Variants in PRDM1 observed in about 807,000 individuals in gnomAD.
PRDM1 encodes PR/SET domain 1, also known as PR domain zinc finger protein 1.
Under a neutral mutation model 62.8 loss-of-function variants are expected in PRDM1, and 13 were observed. The ratio of observed to expected loss-of-function variants is 0.21; its 90% CI spans 0.13 to 0.33. PRDM1 has a LOEUF of 0.33. Ranked by LOEUF, PRDM1 falls within the 10% of genes least tolerant of loss-of-function variation. The pLI, the probability that PRDM1 is intolerant of heterozygous loss-of-function variation, is 1.00. For synonymous variants in PRDM1, 396 were observed against 417.6 expected (o/e 0.95, Z 0.63); for missense variants, 895 against 1,058.8 (o/e 0.85, Z 2.15).
At chr6:106,081,771 C>A (rs1773698203), upstream of PRDM1, among the ~76,000 whole-genome samples, 1 of 152,116 alleles carries the variant, frequency 6.6e-6, no homozygotes, top group Non-Finnish European at 1.5e-5. Context: ...CACCTGTGTC[C>A]TTTGGTTAAT....
chr6:106,086,277 C>T, upstream of PRDM1: 1 of 413,380 alleles, frequency 2.4e-6, no homozygotes, highest in Non-Finnish European at 4.3e-6. Flanking sequence ...GCCACGCCCC[C>T]ACTTCGCGCA....
chr6:106,008,113 C>T (rs1238653608), intron 1 of PRDM1, among the ~76,000 whole-genome samples: 1 of 152,238 alleles, frequency 6.6e-6, no homozygotes, highest in Non-Finnish European at 1.5e-5. Flanking sequence ...TGGCTCACGC[C>T]TGTAATCCCA....
At chr6:106,033,628 T>A (rs1275885580) in intron 1 of PRDM1, among the ~76,000 whole-genome samples, 2 of 152,108 alleles carry the variant, frequency 1.3e-5, no homozygotes, top group African/African-American at 4.8e-5. Flanking sequence ...ATCTTTGTAA[T>A]ATGCTGTTGA....
intron 1 of PRDM1, among the ~76,000 whole-genome samples, chr6:106,018,444 C>T (rs931069031): frequency 6.6e-6 from 1 of 152,214 alleles, no homozygotes; most frequent in African/African-American, 2.4e-5. Flanking sequence ...GAAATCCATA[C>T]TTCATTCAGA....
rs528527001 is a variant in PRDM1, at chr6:106,027,490, T to G, written c.-67+33851T>G. Among the ~76,000 whole-genome samples the G allele has an allele frequency of 1.3e-4, 20 of 152,172 alleles. No individual in the cohort carries two copies. The East Asian group carries it at 3.5e-3, about 26-fold the overall frequency. ...ACTTCTGCTGGGCTTGTGTGATCAG[T>G]CTGAATACCTACACCAAAGCCCTAA... On this transcript the variant is annotated intron_variant, in intron 1 of 6. Coordinates refer to the PRDM1 transcript ENST00000652320.
chr6:106,098,654 G>T (rs1281916339), intron 3 of PRDM1: 1 of 1,342,512 alleles, frequency 7.4e-7, no homozygotes, highest in Admixed American at 2.2e-5. Context: ...TCGGGCTGCT[G>T]CCCGAGTGTT....
intron 1 of PRDM1, among the ~76,000 whole-genome samples, chr6:106,031,378 G>A (rs1303991089): frequency 6.6e-6 from 1 of 152,184 alleles, no homozygotes; most frequent in Non-Finnish European, 1.5e-5. Context: ...CAGGCTTAGG[G>A]GGCAAAAGAA....
intron 1 of PRDM1, among the ~76,000 whole-genome samples, chr6:106,005,944 C>G (rs572229713): frequency 1.2e-4 from 19 of 152,322 alleles, no homozygotes; most frequent in East Asian, 1.9e-4. Flanking sequence ...GGTTATTTCT[C>G]CAGCATCAGA....
At chr6:106,039,857 C>T (rs1337337552) in intron 1 of PRDM1, among the ~76,000 whole-genome samples, 3 of 152,196 alleles carry the variant, frequency 2.0e-5, no homozygotes, top group Non-Finnish European at 2.9e-5. Flanking sequence ...TAGTCCATAG[C>T]GGCTTAGCGA....
chr6:106,083,500 G>T (rs1582456322), upstream of PRDM1, among the ~76,000 whole-genome samples: 1 of 152,100 alleles, frequency 6.6e-6, no homozygotes, highest in African/African-American at 2.4e-5. Context: ...AGAGTCATCT[G>T]GCCACCAACA....
intron 1 of PRDM1, among the ~76,000 whole-genome samples, chr6:106,055,672 G>A (rs1773253575): frequency 6.6e-6 from 1 of 152,174 alleles, no homozygotes; most frequent in Admixed American, 6.5e-5. Context: ...CAGTTCACAA[G>A]ATGCTTTGAG....
At chr6:106,067,711 C>T (rs918554917) in intron 1 of PRDM1, among the ~76,000 whole-genome samples, 1 of 152,002 alleles carries the variant, frequency 6.6e-6, no homozygotes, top group South Asian at 2.1e-4. Context: ...TACCAGGGGC[C>T]GGGGAAAGGG....
intron 1 of PRDM1, among the ~76,000 whole-genome samples, chr6:106,002,232 A>C (rs1772435039): frequency 6.6e-6 from 1 of 152,178 alleles, no homozygotes; most frequent in African/African-American, 2.4e-5. Flanking sequence ...AATGGGTGTT[A>C]CTTGAGAGCT....
At chr6:106,093,756 A>G (rs1336921180) in intron 2 of PRDM1, among the ~76,000 whole-genome samples, 2 of 152,330 alleles carry the variant, frequency 1.3e-5, no homozygotes, top group East Asian at 3.9e-4. Context: ...ATAATGACAA[A>G]CGGTGATTAA....
At chr6:106,088,513 T>C in intron 2 of PRDM1, 64 bp downstream of exon 2, 2 of 1,587,468 alleles carry the variant, frequency 1.3e-6, no homozygotes, top group Non-Finnish European at 1.7e-6. Context: ...TACTTGCCCT[T>C]GAGGCCTTGT....
rs775366457 is a variant in PRDM1 at position 106,105,632 on chromosome 6, C to T, written c.1472C>T (p.Ala491Val). The T allele has an allele frequency of 1.2e-5, 19 of 1,613,148 alleles. No homozygotes were observed. Among genetic ancestry groups the T allele is most frequent in the African/African-American group, 2.7e-5 (2 of 74,934 alleles). Residue 491 changes from alanine to valine, a missense_variant, in exon 5 of 7, where the codon GCG becomes GTG. Physicochemically the swap from Ala to Val is moderately conservative, Grantham distance 64. Transcript: ENST00000369096. Reference protein sequence around the residue: ...PEHPREVLVPAPHSAFSFTGA... With the variant: ...PEHPREVLVPVPHSAFSFTGA... ...CATCCCAGGGAGGTGCTTGTCCCGGCGCCCCACAGTGCCTTCTCCTTTACC... is the reference window on the plus strand; with the variant it reads ...CATCCCAGGGAGGTGCTTGTCCCGGTGCCCCACAGTGCCTTCTCCTTTACC...
intron 1 of PRDM1, among the ~76,000 whole-genome samples, chr6:106,019,405 C>T (rs543694068): frequency 1.1e-4 from 16 of 150,324 alleles, no homozygotes; most frequent in Admixed American, 9.3e-4. Flanking sequence ...AAATATAGAT[C>T]GCTCATACTG....
chr6:106,088,482 G>A (rs914738438), intron 2 of PRDM1, 33 bp downstream of exon 2: 4 of 1,612,756 alleles, frequency 2.5e-6, no homozygotes. Context: ...AGAAGATTGG[G>A]GACCTGGTGC....
intron 1 of PRDM1, among the ~76,000 whole-genome samples, chr6:105,998,915 ATATATATATATATATATATT>A (rs1312873294): frequency 0.015 from 91 of 6,172 alleles, 4 homozygotes; most frequent in African/African-American, 0.023. Flanking sequence ...ATATATATAT[ATATATATATATATATATATT>A]TTTTTTTTTT....
Sources: gnomAD v4.1 joint callset for allele counts (sites outside exome capture counted in the v4.1 genomes callset) on GRCh38, gnomAD v4.1.1 for gene constraint, MANE v1.5 for transcripts, NCBI Gene and HGNC (gene_info 2026-07-23, HGNC 2026-07-21) for gene names.